The following DAB1 variants were observed in gnomAD, a reference collection of about 807,000 sequenced individuals.
The protein encoded by DAB1 is disabled homolog 1.
A neutral mutation model predicts 64.6 loss-of-function variants in DAB1; 15 were observed. That is an observed-to-expected ratio of 0.23 (90% confidence interval 0.16 to 0.36). The LOEUF (loss-of-function observed/expected upper bound fraction) is 0.36. Among genes scored for constraint, DAB1 ranks in the 10% least tolerant of loss-of-function variants. The pLI is 1.00. For synonymous variants in DAB1, 235 were observed against 251.9 expected, an observed-to-expected ratio of 0.93 and a Z score of 0.64; for missense variants, 596 against 706.7, an observed-to-expected ratio of 0.84 and a Z score of 1.78.
chr1:58,076,412 T>G (rs1053158712), intron 5 of DAB1, among the ~76,000 whole-genome samples: 1 of 152,164 alleles, frequency 6.6e-6, no homozygotes, highest in Non-Finnish European at 1.5e-5. Context: ...TGGCAACTAT[T>G]ATAAGCACTT....
chr1:57,652,853 A>T (rs985594815), intron 6 of DAB1, among the ~76,000 whole-genome samples: 1 of 152,196 alleles, frequency 6.6e-6, no homozygotes, highest in African/African-American at 2.4e-5. Context: ...ATTCAAACCC[A>T]GAATGTCTGG....
intron 4 of DAB1, among the ~76,000 whole-genome samples, chr1:57,079,634 G>T (rs1284696497): frequency 1.3e-5 from 2 of 152,168 alleles, no homozygotes; most frequent in African/African-American, 4.8e-5. Context: ...GCCCCCTGTA[G>T]GACCTGGCTG....
intron 3 of DAB1, among the ~76,000 whole-genome samples, chr1:58,424,943 G>T (rs1445323107): frequency 8.4e-6 from 1 of 119,708 alleles, no homozygotes; most frequent in East Asian, 2.0e-4. Context: ...GGAAGGCAAT[G>T]TGTGGAGGCA....
chr1:57,963,384 A>C (rs1395362265), intron 5 of DAB1, among the ~76,000 whole-genome samples: 1 of 152,152 alleles, frequency 6.6e-6, no homozygotes, highest in Non-Finnish European at 1.5e-5. Flanking sequence ...TAGGTATCTT[A>C]TCTGTAGTTT....
rs575401682 is a variant in DAB1, at chr1:57,393,622, C to T, written c.-137+30308G>A. Among the ~76,000 whole-genome samples the T allele has an allele frequency of 7.2e-5, 11 of 152,186 alleles. No homozygotes were observed. The South Asian group carries it at 1.0e-3, about 14-fold the overall frequency. ...AGTAGAGGCAGCAGTGAGCCATGAT[C>T]GTATTACAGCCTGGGTGATACAGTG... On this transcript the variant is annotated intron_variant, in intron 1 of 14. Coordinates refer to ENST00000371236, the MANE Select transcript of DAB1 (RefSeq NM_001365792.1).
intron 5 of DAB1, among the ~76,000 whole-genome samples, chr1:58,093,838 G>A (rs116469189): frequency 0.016 from 2,430 of 152,290 alleles, 30 homozygotes; most frequent in Non-Finnish European, 0.024. Context: ...CCTGGCACAG[G>A]GAGAAGACTA....
chr1:57,756,187 G>A (rs553862913), intron 6 of DAB1, among the ~76,000 whole-genome samples: 2 of 152,254 alleles, frequency 1.3e-5, no homozygotes, highest in South Asian at 4.2e-4. Context: ...CCAAAACAAG[G>A]CTAGGTGCTG....
At chr1:57,316,714 G>A (rs1039360574) in intron 1 of DAB1, among the ~76,000 whole-genome samples, 4 of 152,166 alleles carry the variant, frequency 2.6e-5, no homozygotes, top group African/African-American at 7.2e-5. Context: ...AACCATTTAG[G>A]CCAATCCTAG....
At chr1:57,908,579 G>A (rs1211734050) in intron 5 of DAB1, among the ~76,000 whole-genome samples, 1 of 151,408 alleles carries the variant, frequency 6.6e-6, no homozygotes, top group Non-Finnish European at 1.5e-5. Context: ...GCACAATCCT[G>A]CCTACCATAT....
intron 5 of DAB1, among the ~76,000 whole-genome samples, chr1:57,918,184 CA>C (rs911492080): frequency 3.3e-5 from 5 of 151,138 alleles, no homozygotes; most frequent in African/African-American, 1.2e-4. Flanking sequence ...TTAAAACAAA[CA>C]AAAAAAAGAA....
chr1:57,875,631 CTA>C (rs1374282101), intron 1 of DAB1, among the ~76,000 whole-genome samples: 1 of 152,140 alleles, frequency 6.6e-6, no homozygotes, highest in East Asian at 1.9e-4. Context: ...TGCTGACAGA[CTA>C]GCATAGTTTT....
intron 3 of DAB1, among the ~76,000 whole-genome samples, chr1:58,368,951 G>A (rs985518294): frequency 6.6e-6 from 1 of 152,138 alleles, no homozygotes; most frequent in South Asian, 2.1e-4. Context: ...AGCCCAGGAG[G>A]TCAAGGCTGC....
intron 1 of DAB1, among the ~76,000 whole-genome samples, chr1:57,866,653 C>T (rs917717591): frequency 6.6e-6 from 1 of 152,126 alleles, no homozygotes; most frequent in African/African-American, 2.4e-5. Context: ...GGGGATGATT[C>T]GGGCATGCCT....
intron 2 of DAB1, among the ~76,000 whole-genome samples, chr1:57,214,448 A>G (rs542208504): frequency 1.3e-5 from 2 of 152,346 alleles, no homozygotes; most frequent in East Asian, 3.9e-4. Flanking sequence ...CTGTCACACT[A>G]CAGTTACCTA....
At chr1:57,606,056 T>C in intron 7 of DAB1, 1 of 585,938 alleles carries the variant, frequency 1.7e-6, no homozygotes, top group South Asian at 1.6e-5. Context: ...ACTGGTCCTT[T>C]CCCTTTGATA....
At chr1:58,322,593 G>A (rs1294501476) in intron 4 of DAB1, among the ~76,000 whole-genome samples, 1 of 152,154 alleles carries the variant, frequency 6.6e-6, no homozygotes, top group African/African-American at 2.4e-5. Context: ...GGAAACAACA[G>A]GTGCTGGAGA....
intron 4 of DAB1, among the ~76,000 whole-genome samples, chr1:58,264,965 A>G (rs10493247): frequency 0.092 from 13,993 of 152,246 alleles, 952 homozygotes; most frequent in African/African-American, 0.19. Context: ...TTTAAACATA[A>G]GCATCCCTAA....
At chr1:58,033,023 G>C (rs1048929582) in intron 5 of DAB1, among the ~76,000 whole-genome samples, 1 of 152,128 alleles carries the variant, frequency 6.6e-6, no homozygotes, top group Non-Finnish European at 1.5e-5. Context: ...TGGAATGGGC[G>C]TGCCTGGTGC....
chr1:58,402,602 T>A (rs1313271920), intron 3 of DAB1, among the ~76,000 whole-genome samples: 1 of 150,818 alleles, frequency 6.6e-6, no homozygotes, highest in Non-Finnish European at 1.5e-5. Context: ...ATTCAATAAA[T>A]AGTTGTTCAA....
Sources: allele counts gnomAD v4.1 joint callset (sites outside exome capture counted in the v4.1 genomes callset), GRCh38; gene constraint gnomAD v4.1.1; transcripts MANE v1.5; gene names NCBI Gene and HGNC (gene_info 2026-07-23, HGNC 2026-07-21).